Variants in GALNT15 observed in about 807,000 individuals in gnomAD.
GALNT15 encodes the protein polypeptide N-acetylgalactosaminyltransferase 15, also known as UDP-GalNAc transferase T15.
In GALNT15, 67 loss-of-function variants were observed where a neutral mutation model predicts 66.8. The observed-to-expected ratio is 1.00, with a 90% CI of 0.82 to 1.23. The LOEUF is 1.23. Among genes scored for constraint, GALNT15 ranks in the 50% most tolerant of loss-of-function variants. The pLI is 0.00. For synonymous variants in GALNT15, 313 were observed against 311.5 expected, an observed-to-expected ratio of 1.00 and a Z score of -0.05; for missense variants, 827 against 804.3, an observed-to-expected ratio of 1.03 and a Z score of -0.34.
rs1235263887 is a variant in GALNT15, at chr3:16,224,705, C to T, written c.1773+1947C>T. ...AGGCTAGAGTTCAATGGCAGGATCT[C>T]GGCTCACTGCAACCTCTGCCTCCCG... On this transcript the variant is annotated intron_variant, in intron 9 of 9. Transcript: ENST00000339732. The surrounding 1 kb of genome is among the most constrained non-coding windows in gnomAD (Gnocchi z 5.2). 1.3e-5 allele frequency among the ~76,000 whole-genome samples: 2 copies of T among 149,508 alleles called. No homozygotes were observed. The highest frequency in any genetic ancestry group is 2.0e-4 in the East Asian group (1 of 5,066).
rs1452240869 is a variant in GALNT15, at chr3:16,225,025, G to A, written c.1773+2267G>A. ...GGTGTAATTGGCTCATGGTTCTGCA[G>A]GCTGTATAGGAAGCATAGTGGCATC... On this transcript the variant is annotated intron_variant, in intron 9 of 9. Transcript: ENST00000339732. This position sits in a 1 kb window ranked among gnomAD's most constrained non-coding sequence, Gnocchi z 4.4. Among the ~76,000 whole-genome samples, 2 of 152,158 alleles carry A rather than the reference G, an allele frequency of 1.3e-5. No individual in the cohort carries two copies. The highest frequency in any genetic ancestry group is 1.5e-5 in the Non-Finnish European group (1 of 68,024).
At position 16,228,075 on chromosome 3, in the gene GALNT15, G is replaced by A; in HGVS notation, c.*575G>A. 2.0e-6 allele frequency: 2 copies of A among 986,268 alleles called. No homozygotes were observed. The highest frequency in any genetic ancestry group is 9.4e-5 in the South Asian group (2 of 21,312). 61.1% of individuals were successfully genotyped at this position (986,268 alleles called of 1,614,324 possible). ...TTAGGATTGCAGAGAAGATGCAAGAGCACTTTGGCCCAATTCTCCAGCTCA... is the reference window on the plus strand; with the variant it reads ...TTAGGATTGCAGAGAAGATGCAAGAACACTTTGGCCCAATTCTCCAGCTCA... On this transcript the variant is annotated 3_prime_UTR_variant, in exon 10 of 10. Transcript: ENST00000339732.
At position 16,183,745 on chromosome 3, in the gene GALNT15, GGAAACCTGGCA is replaced by G. The variant is rs2063491737; in HGVS notation, c.539+8063_539+8073del. ...AGTCAGTATCCCCAAAACAGCTTTA[GGAAACCTGGCA>G]GAAACCTTTCTACTCTGGCCAGGCA... is the stretch of plus-strand genomic sequence containing the variant. On this transcript the variant is annotated intron_variant, in intron 1 of 9. Coordinates refer to ENST00000339732, the MANE Select transcript of GALNT15 (RefSeq NM_054110.5). This position sits in a 1 kb window ranked among gnomAD's most constrained non-coding sequence, Gnocchi z 5.2. Among the ~76,000 whole-genome samples, 1 of 152,156 alleles carries G rather than the reference GGAAACCTGGCA, an allele frequency of 6.6e-6. No individual in the cohort carries two copies. The highest frequency in any genetic ancestry group is 2.4e-5 in the African/African-American group (1 of 41,416).
At position 16,222,606 on chromosome 3, in the gene GALNT15, CT is replaced by C; in HGVS notation, c.1630-8del. The C allele has an allele frequency of 1.9e-6, 3 of 1,614,204 alleles. No homozygotes were observed. Among genetic ancestry groups the C allele is most frequent in the Non-Finnish European group, 2.5e-6 (3 of 1,180,020 alleles). On this transcript the variant is annotated splice_region_variant and splice_polypyrimidine_tract_variant and intron_variant, in intron 8 of 9. Coordinates refer to ENST00000339732, the MANE Select transcript of GALNT15 (RefSeq NM_054110.5). ...CTAGCTGCGCTAACAACTATTGCTT[CT>C]GTCACAGTACCTGCAGCACACCAGC... is the stretch of plus-strand genomic sequence containing the variant.
chr3:16,185,800 T>G (rs1559676580), intron 1 of GALNT15, among the ~76,000 whole-genome samples: 2 of 151,956 alleles, frequency 1.3e-5, no homozygotes, highest in African/African-American at 4.8e-5. Context: ...GATGATAGAT[T>G]ATAGCAATAT....
At chr3:16,201,062 A>G (rs1425887546) in intron 3 of GALNT15, among the ~76,000 whole-genome samples, 2 of 152,382 alleles carry the variant, frequency 1.3e-5, no homozygotes, top group East Asian at 3.9e-4. Flanking sequence ...CCTGGAGAAC[A>G]GCTTCTATGA....
rs34368462 is a variant in GALNT15 at position 16,224,632 on chromosome 3, C to CTT, written c.1773+1893_1773+1894dup. On this transcript the variant is annotated intron_variant, in intron 9 of 9. Coordinates refer to ENST00000339732, the MANE Select transcript of GALNT15 (RefSeq NM_054110.5). This position sits in a 1 kb window ranked among gnomAD's most constrained non-coding sequence, Gnocchi z 5.2. ...TTTAACACTATTGTAGTAGGCTATT[C>CTT]TTTTTTTTTTTTTTTTTTTTAAAGA... 7.6e-6 allele frequency among the ~76,000 whole-genome samples: 1 copy of CTT among 131,950 alleles called. No individual in the cohort carries two copies. Among genetic ancestry groups the CTT allele is most frequent in the African/African-American group, 2.8e-5 (1 of 35,316 alleles). 86.6% of individuals were successfully genotyped at this position (131,950 alleles called of 152,430 possible). A position where few individuals can be genotyped will look rare whatever the true frequency, so the allele number is the denominator to read the frequency against.
intron 6 of GALNT15, among the ~76,000 whole-genome samples, chr3:16,213,157 T>C (rs141196744): frequency 1.3e-5 from 2 of 152,010 alleles, no homozygotes; most frequent in Admixed American, 6.5e-5. Context: ...ATATTAAATA[T>C]AAAAATAGAG....
rs2063436947 is a variant in GALNT15, at chr3:16,178,576, C to G, written c.539+2886C>G. 2.0e-5 allele frequency among the ~76,000 whole-genome samples: 3 copies of G among 152,206 alleles called. No homozygotes were observed. In the South Asian group the frequency reaches 6.2e-4, roughly 32 times the overall value. ...GCCCAGGCCTTGGCTGCAGACTCCC[C>G]TCTCCAGTCTGCGGTTCAAGCTCTG... On this transcript the variant is annotated intron_variant, in intron 1 of 9. Transcript: ENST00000339732.
rs915017567 is a variant in GALNT15 at position 16,181,025 on chromosome 3, A to T, written c.539+5335A>T. 3.9e-5 allele frequency among the ~76,000 whole-genome samples: 6 copies of T among 152,208 alleles called. No homozygotes were observed. The highest frequency in any genetic ancestry group is 8.8e-5 in the Non-Finnish European group (6 of 68,040). On this transcript the variant is annotated intron_variant, in intron 1 of 9. Coordinates refer to ENST00000339732, the MANE Select transcript of GALNT15 (RefSeq NM_054110.5). The surrounding 1 kb of genome is among the most constrained non-coding windows in gnomAD (Gnocchi z 5.9). ...TAGAGAAAATGAGACACAACGTGTG[A>T]TGATTTTCCTTGTGTATTAAGTCCA...
At chr3:16,208,733 T>G in intron 4 of GALNT15, 63 bp downstream of exon 4, 1 of 1,477,612 alleles carries the variant, frequency 6.8e-7, no homozygotes, top group Admixed American at 1.7e-5. Flanking sequence ...GCAGCCTGCC[T>G]GCCTGGGGTC....
chr3:16,177,619 G>A (rs561392880), intron 1 of GALNT15, among the ~76,000 whole-genome samples: 4 of 152,328 alleles, frequency 2.6e-5, no homozygotes, highest in Non-Finnish European at 4.4e-5. Context: ...GTGCATGTGT[G>A]TTAATGTGCA....
Position 16,222,596 on chromosome 3 carries a change from A to G in GALNT15, c.1630-19A>G. On this transcript the variant is annotated intron_variant, in intron 8 of 9. Transcript: ENST00000339732. ...GGATCTCTTTCTAGCTGCGCTAACA[A>G]CTATTGCTTCTGTCACAGTACCTGC... The G allele has an allele frequency of 6.2e-7, 1 of 1,614,162 alleles. No individual in the cohort carries two copies. The highest frequency in any genetic ancestry group is 8.5e-7 in the Non-Finnish European group (1 of 1,180,000).
At chr3:16,236,131 A>AAAAAAAAAAAAAAAAT (rs869163721), downstream of GALNT15, among the ~76,000 whole-genome samples, 2 of 147,468 alleles carry the variant, frequency 1.4e-5, no homozygotes, top group Non-Finnish European at 1.5e-5. Context: ...AAAAAAAAAA[A>AAAAAAAAAAAAAAAAT]GGACTGGGCA....
intron 3 of GALNT15, among the ~76,000 whole-genome samples, chr3:16,202,505 C>T (rs574434039): frequency 3.9e-5 from 6 of 152,132 alleles, no homozygotes; most frequent in South Asian, 2.1e-4. Flanking sequence ...TGGTAGCGTG[C>T]GCCTGTAATC....
At chr3:16,237,049 G>A in the GALNT15 span, among the ~76,000 whole-genome samples, 6 of 152,300 alleles carry the variant, frequency 3.9e-5, no homozygotes, top group East Asian at 9.6e-4. The surrounding 1 kb of genome is among the most constrained non-coding windows in gnomAD (Gnocchi z 4.2). Flanking sequence ...ACACGCTCCC[G>A]CTAACACACA....
rs555741401 is a variant in GALNT15 at position 16,181,879 on chromosome 3, G to C, written c.539+6189G>C. 6.6e-6 allele frequency among the ~76,000 whole-genome samples: 1 copy of C among 152,200 alleles called. No homozygotes were observed. The highest frequency in any genetic ancestry group is 2.1e-4 in the South Asian group (1 of 4,808). ...CACAAACACCAACCTTCCAGCCCTCGAGTCCACAGTGGCCGCAGCAGAGGC... is the reference window on the plus strand; with the variant it reads ...CACAAACACCAACCTTCCAGCCCTCCAGTCCACAGTGGCCGCAGCAGAGGC... On this transcript the variant is annotated intron_variant, in intron 1 of 9. Coordinates refer to ENST00000339732, the MANE Select transcript of GALNT15 (RefSeq NM_054110.5). This position sits in a 1 kb window ranked among gnomAD's most constrained non-coding sequence, Gnocchi z 5.9.
Position 16,210,540 on chromosome 3 carries a change from C to A in GALNT15, c.1080-584C>A, listed in dbSNP as rs142930803. Among the ~76,000 whole-genome samples, 366 of 152,324 alleles carry A rather than the reference C, an allele frequency of 2.4e-3. 2 individuals carry two copies. Among genetic ancestry groups the A allele is most frequent in the African/African-American group, 8.0e-3 (333 of 41,562 alleles). The stretch of plus-strand genomic sequence containing the variant: ...ACATCTTTCTCTGTTTAAAATCCCT[C>A]TGAGGGATATTATGATCTTAATTCC... On this transcript the variant is annotated intron_variant, in intron 4 of 9. Transcript: ENST00000339732.
chr3:16,196,467 C>T (rs1244036518), intron 2 of GALNT15, among the ~76,000 whole-genome samples: 1 of 152,148 alleles, frequency 6.6e-6, no homozygotes, highest in Non-Finnish European at 1.5e-5. Context: ...GGCCCAGAGC[C>T]CAGACTTGCA....
Sources: gnomAD v4.1 joint callset for allele counts (sites outside exome capture counted in the v4.1 genomes callset) on GRCh38, gnomAD v4.1.1 for gene constraint, Gnocchi (gnomAD v3.1) non-coding constraint, MANE v1.5 for transcripts, NCBI Gene and HGNC (gene_info 2026-07-23, HGNC 2026-07-21) for gene names.